FYB1: variants seen among roughly 807,000 people sequenced by gnomAD.
FYB1 encodes FYN-binding protein 1.
In FYB1, 41 loss-of-function variants were observed where a neutral mutation model predicts 94.1. That is an observed-to-expected ratio of 0.44 (90% CI 0.34 to 0.57). The LOEUF is 0.57. FYB1 is among the 20% of genes least tolerant of loss of function. The pLI, the probability that FYB1 is intolerant of heterozygous loss-of-function variation, is 0.02. For synonymous variants in FYB1, 367 were observed against 353.2 expected, an observed-to-expected ratio of 1.04 and a Z score of -0.44; for missense variants, 1,050 against 976.8, an observed-to-expected ratio of 1.07 and a Z score of -1.00.
chr5:39,185,526 A>T (rs1746668920), intron 2 of FYB1, among the ~76,000 whole-genome samples: 1 of 115,482 alleles, frequency 8.7e-6, no homozygotes. Flanking sequence ...TAAAAAAAAA[A>T]TATATATATA....
intron 4 of FYB1, among the ~76,000 whole-genome samples, chr5:39,140,215 G>C (rs1269364125): frequency 6.6e-6 from 1 of 152,150 alleles, no homozygotes; most frequent in African/African-American, 2.4e-5. Context: ...AATGGGAGAA[G>C]ATATTTGCAA....
chr5:39,270,145 T>C (rs970773903), intron 1 of FYB1, among the ~76,000 whole-genome samples: 1 of 152,182 alleles, frequency 6.6e-6, no homozygotes, highest in Non-Finnish European at 1.5e-5. Flanking sequence ...AGAGGTCCCT[T>C]TGTAAAATCT....
chr5:39,265,181 C>CA (rs1752376307), intron 1 of FYB1, among the ~76,000 whole-genome samples: 1 of 151,570 alleles, frequency 6.6e-6, no homozygotes, highest in Non-Finnish European at 1.5e-5. Context: ...ACCAAAAATA[C>CA]AAAAAATTAG....
Position 39,105,637 on chromosome 5 carries a change from T to C in FYB1, c.*1806A>G, listed in dbSNP as rs1760331450. On this transcript the variant is annotated 3_prime_UTR_variant, in exon 19 of 19. Coordinates refer to ENST00000512982, the MANE Select transcript of FYB1 (RefSeq NM_001465.6). ...CAAGCTTATCAAGGAGTCCTCAAAC[T>C]AAAGCTGGCCAAAAACTTCAGCATA... 6.6e-6 allele frequency: 1 copy of C among 152,104 alleles called. No individual in the cohort carries two copies. The highest frequency in any genetic ancestry group is 2.1e-4 in the South Asian group (1 of 4,830). The allele number at this position is 152,104 out of a possible 1,614,324, so 9.4% of individuals were successfully genotyped here. A position where few individuals can be genotyped will look rare whatever the true frequency, so the allele number is the denominator to read the frequency against.
At chr5:39,122,426 G>A in intron 13 of FYB1, 24 bp from the exon 14 acceptor site, 2 of 1,402,882 alleles carry the variant, frequency 1.4e-6, no homozygotes, top group Non-Finnish European at 2.0e-6. Context: ...GAATATCAAA[G>A]GTTGAAACAC....
rs1191955886 is a variant in FYB1 at position 39,272,597 on chromosome 5, G to A, written c.-28+1806C>T. On this transcript the variant is annotated intron_variant, in intron 1 of 1. Transcript: ENST00000510188. ...TGAGGCAGGAGAATGGCATGAACCC[G>A]GGAGGCGGAGCTTGCAGTGAGCCGA... 4.7e-5 allele frequency among the ~76,000 whole-genome samples: 7 copies of A among 150,118 alleles called. No homozygotes were observed. In the South Asian group the frequency reaches 8.4e-4, roughly 18 times the overall value.
At chr5:39,256,899 G>A (rs943776097) in intron 1 of FYB1, among the ~76,000 whole-genome samples, 2 of 152,204 alleles carry the variant, frequency 1.3e-5, no homozygotes, top group African/African-American at 4.8e-5. Context: ...AAGTTGCAAT[G>A]AGTAAAAGTG....
At chr5:39,212,380 T>G (rs1749478097) in intron 1 of FYB1, among the ~76,000 whole-genome samples, 1 of 152,142 alleles carries the variant, frequency 6.6e-6, no homozygotes, top group African/African-American at 2.4e-5. Context: ...AGAGTTCGAT[T>G]TGAGGAAAGT....
intron 2 of FYB1, among the ~76,000 whole-genome samples, chr5:39,160,930 G>A (rs894584451): frequency 1.3e-5 from 2 of 152,114 alleles, no homozygotes; most frequent in African/African-American, 4.8e-5. Context: ...ACCTGTGCTC[G>A]AAATGACATG....
intron 1 of FYB1, among the ~76,000 whole-genome samples, chr5:39,230,844 TACAC>T (rs10641788): frequency 0.56 from 80,686 of 143,456 alleles, 25,261 homozygotes; most frequent in Non-Finnish European, 0.71. Flanking sequence ...TGTCTCAGTA[TACAC>T]ACACACACAC....
At chr5:39,156,791 C>T (rs1743803074) in intron 2 of FYB1, among the ~76,000 whole-genome samples, 1 of 151,990 alleles carries the variant, frequency 6.6e-6, no homozygotes, top group Non-Finnish European at 1.5e-5. Flanking sequence ...ATGATTGACT[C>T]TAAAATCTCA....
At chr5:39,230,720 C>T (rs1374013790) in intron 1 of FYB1, among the ~76,000 whole-genome samples, 1 of 151,746 alleles carries the variant, frequency 6.6e-6, no homozygotes, top group African/African-American at 2.4e-5. Context: ...ACCTAGACAC[C>T]CGTTCAAAGG....
intron 16 of FYB1, among the ~76,000 whole-genome samples, chr5:39,118,586 C>A (rs1489193938): frequency 1.3e-5 from 2 of 152,114 alleles, no homozygotes; most frequent in East Asian, 3.9e-4. Context: ...CACGCAAGGG[C>A]TTTCTGATGC....
chr5:39,195,607 C>G (rs1747761193), intron 2 of FYB1, among the ~76,000 whole-genome samples: 1 of 152,196 alleles, frequency 6.6e-6, no homozygotes, highest in African/African-American at 2.4e-5. Context: ...ACACCTGTTG[C>G]TGTCAAGGTG....
chr5:39,202,080 G>A lies in FYB1; in HGVS notation c.881C>T (p.Thr294Ile), dbSNP rs763336167. The A allele has an allele frequency of 1.2e-6, 2 of 1,614,028 alleles. No homozygotes were observed. Among genetic ancestry groups the A allele is most frequent in the East Asian group, 2.2e-5 (1 of 44,878 alleles). The change falls in exon 2 of 19, where the codon ACC becomes ATC. Residue 294 changes from threonine to isoleucine, a missense_variant. By Grantham distance (89) the Thr-to-Ile change is moderately conservative. Transcript: ENST00000512982. The stretch of plus-strand genomic sequence containing the variant: ...TTCCTGATTTATTTTGCTCTGGAAG[G>A]TGTTCTTAGCAGCATCTATCTTCCT... ...EDRKIDAAKN[T>I]FQSKINQEEL...
At chr5:39,159,142 T>G (rs559849523) in intron 2 of FYB1, among the ~76,000 whole-genome samples, 1 of 152,316 alleles carries the variant, frequency 6.6e-6, no homozygotes, top group African/African-American at 2.4e-5. Context: ...GTGCCACATA[T>G]AAAATCATTT....
At chr5:39,205,056 G>C (rs1748721176) in intron 1 of FYB1, among the ~76,000 whole-genome samples, 1 of 152,134 alleles carries the variant, frequency 6.6e-6, no homozygotes, top group Admixed American at 6.6e-5. Context: ...TGAACCTTCA[G>C]AGAGATCAGA....
intron 14 of FYB1, among the ~76,000 whole-genome samples, chr5:39,121,183 C>CAAAAAAAAAAAAAAAAAAAAAAGAAAAA (rs1740063126): frequency 1.7e-5 from 1 of 57,674 alleles, no homozygotes; most frequent in Non-Finnish European, 3.3e-5. Flanking sequence ...TAATGTAAAG[C>CAAAAAAAAAAAAAAAAAAAAAAGAAAAA]AAAAAAAAAA....
chr5:39,114,266 T>TA (rs1739329611), intron 16 of FYB1, among the ~76,000 whole-genome samples: 3 of 152,170 alleles, frequency 2.0e-5, no homozygotes, highest in Non-Finnish European at 4.4e-5. Flanking sequence ...GTGGAATATG[T>TA]ATAAATACTA....
Sources: allele counts gnomAD v4.1 joint callset (sites outside exome capture counted in the v4.1 genomes callset), GRCh38; gene constraint gnomAD v4.1.1; transcripts MANE v1.5; gene names NCBI Gene and HGNC (gene_info 2026-07-23, HGNC 2026-07-21).